The following SLC8A3 variants were observed in gnomAD, a reference collection of about 807,000 sequenced individuals.
SLC8A3 encodes solute carrier family 8 member A3, also known as sodium/calcium exchanger 3.
SLC8A3 carries 37 observed loss-of-function variants against 65.4 expected under a neutral mutation model. The observed-to-expected ratio is 0.57, with a 90% confidence interval of 0.44 to 0.74. The LOEUF (loss-of-function observed/expected upper bound fraction) is 0.74, where lower values mean the gene tolerates loss of function less well. Ranked by LOEUF, SLC8A3 falls within the 30% of genes least tolerant of loss-of-function variation. The probability of loss-of-function intolerance (pLI) is 0.00; values close to 1 mark genes in which losing one functional copy is unlikely to be tolerated. For missense variants in SLC8A3, 1,112 were observed against 1,172.1 expected (o/e 0.95, Z 0.75); for synonymous variants, 461 against 444.5 (o/e 1.04, Z -0.47).
At chr14:70,095,504 C>T (rs556074037) in intron 2 of SLC8A3, among the ~76,000 whole-genome samples, 1 of 152,372 alleles carries the variant, frequency 6.6e-6, no homozygotes, top group East Asian at 1.9e-4. Context: ...TGGACCACAA[C>T]AGCGGCTTCC....
chr14:70,073,547 C>T (rs1470207754), intron 2 of SLC8A3, among the ~76,000 whole-genome samples: 2 of 152,028 alleles, frequency 1.3e-5, no homozygotes, highest in Non-Finnish European at 2.9e-5. Context: ...TTGATAAATC[C>T]CCTTCTTGGA....
At chr14:70,059,776 G>A (rs1181564163) in intron 3 of SLC8A3, among the ~76,000 whole-genome samples, 1 of 152,146 alleles carries the variant, frequency 6.6e-6, no homozygotes, top group African/African-American at 2.4e-5. Flanking sequence ...TCCAACACCT[G>A]TCTGTCAGGG....
At chr14:70,114,137 T>C (rs192917179) in intron 2 of SLC8A3, among the ~76,000 whole-genome samples, 9 of 152,260 alleles carry the variant, frequency 5.9e-5, no homozygotes, top group Admixed American at 4.6e-4. Flanking sequence ...TGTACAGAGG[T>C]AACTGAGGAG....
chr14:70,138,172 C>A (rs1430397495), intron 2 of SLC8A3, among the ~76,000 whole-genome samples: 1 of 152,136 alleles, frequency 6.6e-6, no homozygotes, highest in Non-Finnish European at 1.5e-5. Context: ...GACTGTGTGC[C>A]TCTGTGGAGC....
intron 2 of SLC8A3, among the ~76,000 whole-genome samples, chr14:70,087,369 G>A (rs1891510975): frequency 6.6e-6 from 1 of 152,168 alleles, no homozygotes; most frequent in African/African-American, 2.4e-5. Context: ...CAAACTTCCT[G>A]GAACATTGGC....
At chr14:70,107,075 G>T (rs528059096) in intron 2 of SLC8A3, among the ~76,000 whole-genome samples, 1 of 152,272 alleles carries the variant, frequency 6.6e-6, no homozygotes, top group South Asian at 2.1e-4. Flanking sequence ...ACAGGTAGGA[G>T]TTGAGGCTGG....
intron 2 of SLC8A3, among the ~76,000 whole-genome samples, chr14:70,164,415 A>C (rs779635454): frequency 4.6e-5 from 7 of 152,200 alleles, no homozygotes; most frequent in Non-Finnish European, 8.8e-5. Context: ...AAATAAATGA[A>C]AAGGGATGGA....
At chr14:70,048,442 T>C in intron 6 of SLC8A3, 1 of 595,056 alleles carries the variant, frequency 1.7e-6, no homozygotes, top group South Asian at 2.1e-5. Flanking sequence ...GCTTAACCTC[T>C]GTGGGCCTCA....
chr14:70,170,773 G>C (rs914185106), intron 1 of SLC8A3, among the ~76,000 whole-genome samples: 4 of 152,142 alleles, frequency 2.6e-5, no homozygotes, highest in Non-Finnish European at 5.9e-5. Context: ...AAAGAGCTGA[G>C]GATTTACTTG....
At chr14:70,156,912 T>C (rs1462204955) in intron 2 of SLC8A3, among the ~76,000 whole-genome samples, 1 of 152,184 alleles carries the variant, frequency 6.6e-6, no homozygotes, top group East Asian at 1.9e-4. Flanking sequence ...ATAGTGTACC[T>C]GAAAACGACG....
intron 1 of SLC8A3, among the ~76,000 whole-genome samples, chr14:70,182,460 T>C (rs1412203087): frequency 6.6e-6 from 1 of 151,806 alleles, no homozygotes; most frequent in African/African-American, 2.4e-5. Flanking sequence ...AGAGGGGCCA[T>C]GTAGAGGTAG....
In SLC8A3 at chr14:70,060,856, C is replaced by A. The variant is rs745869152; in HGVS notation, c.1868G>T (p.Trp623Leu). Reference sequence around the variant, plus strand: ...CACACCTGATATTCCACGTTCCATCCATTTCGGTTCACCAAGGGCAATGAA... The same window carrying A: ...CACACCTGATATTCCACGTTCCATCAATTTCGGTTCACCAAGGGCAATGAA... ...NFFIALGEPK[W>L]MERGISDVTD... The change falls in exon 3 of 7, where the codon TGG (tryptophan) becomes TTG (leucine). Residue 623 changes from tryptophan (W) to leucine (L), a missense_variant. Physicochemically the swap from Trp to Leu is moderately conservative, Grantham distance 61. Coordinates refer to ENST00000356921, the MANE Select transcript of SLC8A3 (RefSeq NM_182932.3). The A allele has an allele frequency of 6.7e-7, 1 of 1,503,428 alleles. No individual in the cohort carries two copies. The highest frequency in any genetic ancestry group is 2.3e-5 in the East Asian group (1 of 44,438). 93.1% of individuals were successfully genotyped at this position (1,503,428 alleles called of 1,614,324 possible).
chr14:70,127,174 A>G (rs748639523), intron 2 of SLC8A3, among the ~76,000 whole-genome samples: 3 of 147,000 alleles, frequency 2.0e-5, no homozygotes, highest in Admixed American at 6.8e-5. Flanking sequence ...GGCAGAAAGG[A>G]TTGGGGGTAG....
At chr14:70,120,644 G>C (rs896179688) in intron 2 of SLC8A3, among the ~76,000 whole-genome samples, 1 of 152,192 alleles carries the variant, frequency 6.6e-6, no homozygotes, top group Non-Finnish European at 1.5e-5. Flanking sequence ...AGACAGCCGG[G>C]TCCTGTCCTC....
intron 2 of SLC8A3, among the ~76,000 whole-genome samples, chr14:70,161,651 GT>G (rs68095073): frequency 0.2 from 30,458 of 152,070 alleles, 3,202 homozygotes; most frequent in Middle Eastern, 0.25. Context: ...TGAGCTTGCA[GT>G]CTTGTGACTC....
At position 70,167,581 on chromosome 14, in the gene SLC8A3, T is replaced by C. The variant is rs753927671; in HGVS notation, c.842A>G (p.His281Arg). ...RGIIIETEGD[H>R]PKGIEMDGKM... ...CCCATCCATCTCAATGCCCTTAGGG[T>C]GGTCACCCTCTGTCTCTATGATAAT... Residue 281 changes from histidine (H) to arginine (R), a missense_variant, in exon 2 of 7, where the codon CAC becomes CGC. Transcript: ENST00000356921. 3 of 1,614,018 alleles carry C rather than the reference T, an allele frequency of 1.9e-6. No individual in the cohort carries two copies. The South Asian group carries it at 3.3e-5, about 18-fold the overall frequency.
chr14:70,142,077 C>G (rs74883275), intron 2 of SLC8A3, among the ~76,000 whole-genome samples: 3,085 of 152,334 alleles, frequency 0.02, 49 homozygotes, highest in Non-Finnish European at 0.031. Flanking sequence ...ATGGCCAGTG[C>G]AGCCCCATGT....
At chr14:70,141,073 C>A (rs1425614) in intron 2 of SLC8A3, among the ~76,000 whole-genome samples, 2 of 152,022 alleles carry the variant, frequency 1.3e-5, no homozygotes, top group South Asian at 4.1e-4. Flanking sequence ...AATACCGATG[C>A]GATAATAACA....
intron 2 of SLC8A3, among the ~76,000 whole-genome samples, chr14:70,103,388 T>C (rs1892657681): frequency 6.6e-6 from 1 of 152,068 alleles, no homozygotes; most frequent in Admixed American, 6.5e-5. Flanking sequence ...AAGAATAAAA[T>C]GTTATATGTA....
Sources: allele counts gnomAD v4.1 joint callset (sites outside exome capture counted in the v4.1 genomes callset), GRCh38; gene constraint gnomAD v4.1.1; transcripts MANE v1.5; gene names NCBI Gene and HGNC (gene_info 2026-07-23, HGNC 2026-07-21).